KIAA1755: variants seen among roughly 807,000 people sequenced by gnomAD.
KIAA1755 encodes the protein uncharacterized protein KIAA1755.
In KIAA1755, 68 loss-of-function variants were observed where a neutral mutation model predicts 91.7. The ratio of observed to expected loss-of-function variants is 0.74; its 90% CI spans 0.61 to 0.91. The LOEUF (loss-of-function observed/expected upper bound fraction) is 0.91. Ranked by LOEUF, KIAA1755 falls within the 40% of genes least tolerant of loss-of-function variation. The pLI is 0.00. For missense variants in KIAA1755, 1,535 were observed against 1,494.4 expected, an observed-to-expected ratio of 1.03 and a Z score of -0.45; for synonymous variants, 610 against 604.6, an observed-to-expected ratio of 1.01 and a Z score of -0.13.
chr20:38,222,419 G>A (rs1171219795), intron 10 of KIAA1755, 30 bp downstream of exon 10: 1 of 1,603,452 alleles, frequency 6.2e-7, no homozygotes, highest in East Asian at 2.2e-5. Context: ...ACAGGATGGG[G>A]TGGAAGAGGA....
chr20:38,214,353 A>G (rs180883926), intron 13 of KIAA1755, among the ~76,000 whole-genome samples: 243 of 152,324 alleles, frequency 1.6e-3, no homozygotes, highest in African/African-American at 5.5e-3. Context: ...GATGATCATG[A>G]AAAGCCTTTT....
chr20:38,256,349 A>G (rs1448485259), intron 1 of KIAA1755, among the ~76,000 whole-genome samples: 2 of 152,140 alleles, frequency 1.3e-5, no homozygotes, highest in Non-Finnish European at 2.9e-5. Context: ...TCTTCTAAAC[A>G]TACTTTATGC....
At chr20:38,255,123 G>A (rs2076318014) in intron 1 of KIAA1755, among the ~76,000 whole-genome samples, 1 of 151,966 alleles carries the variant, frequency 6.6e-6, no homozygotes, top group South Asian at 2.1e-4. Context: ...GCTGCAGTGA[G>A]CAGAGATTGG....
chr20:38,240,640 C>T lies in KIAA1755; in HGVS notation c.1491G>A (p.Trp497Ter), dbSNP rs1290643053. Residue 497 changes from tryptophan to a stop codon, truncating the protein, a stop_gained, in exon 3 of 14, where the codon TGG (tryptophan) becomes TGA (stop). Transcript: ENST00000279024. LOFTEE classifies it high-confidence loss of function. ...EKASLQHNGP[W>*]KVLCSLYSPK... ...GAGAGTAGAGGGAACACAGGACTTT[C>T]CAGGGCCCATTGTGCTGGAGTGAGG... is the stretch of plus-strand genomic sequence containing the variant. 2 of 1,521,604 alleles carry T rather than the reference C, an allele frequency of 1.3e-6. No individual in the cohort carries two copies. The highest frequency in any genetic ancestry group is 1.3e-5 in the South Asian group (1 of 75,202). 94.3% of individuals were successfully genotyped at this position (1,521,604 alleles called of 1,614,324 possible).
intron 4 of KIAA1755, among the ~76,000 whole-genome samples, chr20:38,237,854 G>T (rs1472113974): frequency 1.3e-5 from 2 of 152,028 alleles, no homozygotes; most frequent in Non-Finnish European, 2.9e-5. Context: ...TGGGGAATGA[G>T]GACAAGATCA....
chr20:38,226,234 T>C (rs2075754663), intron 7 of KIAA1755, among the ~76,000 whole-genome samples: 1 of 152,180 alleles, frequency 6.6e-6, no homozygotes, highest in Non-Finnish European at 1.5e-5. Context: ...CCCAACAGTG[T>C]CCTCTAAGAC....
chr20:38,231,361 T>C lies in KIAA1755; in HGVS notation c.1748-36A>G, dbSNP rs746881518. 6 of 1,575,256 alleles carry C rather than the reference T, an allele frequency of 3.8e-6. 1 individual carries two copies. In the South Asian group the frequency reaches 7.0e-5, roughly 19 times the overall value. ...GAGGGCACACGTGAGCAGTGAGAAC[T>C]TGTGGGGGGCCCTCTAGGGACCTCT... is the stretch of plus-strand genomic sequence containing the variant. On this transcript the variant is annotated intron_variant, in intron 4 of 13. Coordinates refer to ENST00000279024, the MANE Select transcript of KIAA1755 (RefSeq NM_001029864.2).
In KIAA1755 at chr20:38,227,204, G is replaced by A. The variant is rs760318928; in HGVS notation, c.2002C>T (p.Leu668=). ...TGGAGAGCCGCCTCCTTCTCCCCCA[G>A]GAAGAGAATAGCCCGGATAGAGGCT... ...VPASIRAILF[L]GEKEAALQLQ... is the part of the protein sequence containing the mutation. The change falls in exon 7 of 14, where the codon CTG becomes TTG. Residue 668 remains leucine (L), a synonymous_variant. Transcript: ENST00000279024. 3 of 1,613,852 alleles carry A rather than the reference G, an allele frequency of 1.9e-6. No individual in the cohort carries two copies. The Admixed American group carries it at 5.0e-5, about 27-fold the overall frequency.
intron 1 of KIAA1755, among the ~76,000 whole-genome samples, chr20:38,252,270 G>C (rs773449900): frequency 1.3e-5 from 2 of 152,122 alleles, no homozygotes; most frequent in African/African-American, 4.8e-5. Flanking sequence ...CACTCATCCT[G>C]TCAGCCCAAG....
At chr20:38,259,028 AC>A (rs1351029073) in intron 1 of KIAA1755, among the ~76,000 whole-genome samples, 1 of 152,024 alleles carries the variant, frequency 6.6e-6, no homozygotes, top group East Asian at 1.9e-4. Flanking sequence ...CAGAATTCAG[AC>A]TGTCCTAACT....
chr20:38,260,181 AC>A, intron 1 of KIAA1755: 9 of 1,402,412 alleles, frequency 6.4e-6, no homozygotes, highest in Non-Finnish European at 8.4e-6. Flanking sequence ...ATGCAAAACC[AC>A]CCCGTTTCAG....
intron 5 of KIAA1755, 81 bp downstream of exon 5, chr20:38,231,121 T>C (rs925444258): frequency 4.9e-6 from 7 of 1,422,074 alleles, no homozygotes; most frequent in East Asian, 2.4e-5. Context: ...ATGGTGCCTC[T>C]CCACTCAGTG....
chr20:38,255,732 C>T (rs965193860), intron 1 of KIAA1755, among the ~76,000 whole-genome samples: 1 of 152,062 alleles, frequency 6.6e-6, no homozygotes, highest in East Asian at 1.9e-4. Flanking sequence ...TATAAAAAAA[C>T]TTTCAGAAAC....
intron 1 of KIAA1755, among the ~76,000 whole-genome samples, chr20:38,257,196 G>A (rs2076353489): frequency 6.6e-6 from 1 of 152,206 alleles, no homozygotes; most frequent in South Asian, 2.1e-4. Flanking sequence ...CCCCAAAGCA[G>A]GAACCACGTC....
intron 4 of KIAA1755, chr20:38,233,782 C>T (rs536471862): frequency 6.6e-6 from 1 of 152,288 alleles, no homozygotes; most frequent in Non-Finnish European, 1.5e-5. Flanking sequence ...GCTCTGCACA[C>T]TCTTCCATCC....
At chr20:38,231,103 G>T in intron 5 of KIAA1755, 99 bp downstream of exon 5, 1 of 1,296,602 alleles carries the variant, frequency 7.7e-7, no homozygotes, top group Non-Finnish European at 1.1e-6. Flanking sequence ...ACGACTGGAT[G>T]GAAGGATATG....
intron 8 of KIAA1755, among the ~76,000 whole-genome samples, chr20:38,223,944 A>C (rs1308957622): frequency 4.6e-5 from 7 of 152,138 alleles, no homozygotes; most frequent in African/African-American, 1.7e-4. Flanking sequence ...AGGGAGAAGA[A>C]AGGAGACAGG....
At chr20:38,214,826 T>A (rs926333438) in intron 13 of KIAA1755, among the ~76,000 whole-genome samples, 1 of 152,222 alleles carries the variant, frequency 6.6e-6, no homozygotes, top group Non-Finnish European at 1.5e-5. Context: ...AAAAACATAA[T>A]CTTTCTCTCC....
chr20:38,256,778 G>A (rs975525823), intron 1 of KIAA1755, among the ~76,000 whole-genome samples: 12 of 152,194 alleles, frequency 7.9e-5, no homozygotes, highest in African/African-American at 2.9e-4. Context: ...ACTCCATCCA[G>A]CCCAGGTGAT....
Sources: gnomAD v4.1 joint callset for allele counts (sites outside exome capture counted in the v4.1 genomes callset) on GRCh38, gnomAD v4.1.1 for gene constraint, MANE v1.5 for transcripts, NCBI Gene and HGNC (gene_info 2026-07-23, HGNC 2026-07-21) for gene names.